The following ADAMTSL1 variants were observed in gnomAD, a reference collection of about 807,000 sequenced individuals.
The protein encoded by ADAMTSL1 is ADAMTS like 1, also known as ADAMTS-like protein 1.
In ADAMTSL1, 126 loss-of-function variants were observed where a neutral mutation model predicts 201.8. That is an observed-to-expected ratio of 0.62 (90% CI 0.54 to 0.72). The LOEUF is 0.72. ADAMTSL1 is among the 30% of genes least tolerant of loss of function. The pLI is 0.00. For synonymous variants in ADAMTSL1, 1,121 were observed against 903.4 expected, an observed-to-expected ratio of 1.24 and a Z score of -4.32; for missense variants, 2,679 against 2,277.8, an observed-to-expected ratio of 1.18 and a Z score of -3.59.
chr9:18,334,684 C>A (rs1297867691), intron 2 of ADAMTSL1, among the ~76,000 whole-genome samples: 1 of 152,124 alleles, frequency 6.6e-6, no homozygotes, highest in African/African-American at 2.4e-5. Context: ...ACAGAATAAT[C>A]TTCCAACAAA....
chr9:18,486,674 C>T (rs192527151), intron 1 of ADAMTSL1, among the ~76,000 whole-genome samples: 5 of 152,292 alleles, frequency 3.3e-5, no homozygotes, highest in African/African-American at 1.2e-4. Context: ...TGACTGCACT[C>T]CAGCCTGGGT....
intron 3 of ADAMTSL1, among the ~76,000 whole-genome samples, chr9:18,558,816 G>A (rs1821278895): frequency 6.6e-6 from 1 of 152,078 alleles, no homozygotes; most frequent in Admixed American, 6.6e-5. Context: ...CTTCTTTTGA[G>A]AAATGTCTGT....
intron 1 of ADAMTSL1, among the ~76,000 whole-genome samples, chr9:17,966,485 C>G (rs1254793634): frequency 6.6e-6 from 1 of 152,138 alleles, no homozygotes; most frequent in Admixed American, 6.6e-5. Context: ...TAAGTACCAC[C>G]ATTCTGCCCT....
At chr9:18,525,026 C>A (rs1818946859) in intron 2 of ADAMTSL1, among the ~76,000 whole-genome samples, 1 of 152,128 alleles carries the variant, frequency 6.6e-6, no homozygotes, top group African/African-American at 2.4e-5. Flanking sequence ...GTACCAGCTC[C>A]TCCTTGTACA....
At chr9:18,631,420 A>G (rs1034477499) in intron 5 of ADAMTSL1, among the ~76,000 whole-genome samples, 6 of 152,334 alleles carry the variant, frequency 3.9e-5, no homozygotes, top group African/African-American at 9.6e-5. Flanking sequence ...AAAACATACC[A>G]TTTAAACCTC....
At chr9:18,095,072 C>G (rs1173755901) in intron 1 of ADAMTSL1, among the ~76,000 whole-genome samples, 1 of 152,178 alleles carries the variant, frequency 6.6e-6, no homozygotes, top group Non-Finnish European at 1.5e-5. Flanking sequence ...AAAGATAGTT[C>G]ATGGACGCAG....
At chr9:18,795,581 A>G (rs1238267515) in intron 20 of ADAMTSL1, 57 bp downstream of exon 20, 9 of 1,528,838 alleles carry the variant, frequency 5.9e-6, no homozygotes, top group Non-Finnish European at 8.0e-6. Flanking sequence ...ATGAGTGCCT[A>G]TAGTGTGTCA....
intron 1 of ADAMTSL1, among the ~76,000 whole-genome samples, chr9:18,041,723 T>C (rs1490472760): frequency 1.3e-5 from 2 of 152,140 alleles, no homozygotes; most frequent in East Asian, 1.9e-4. Flanking sequence ...ATTGTACCAA[T>C]TGATATGAAA....
At chr9:18,788,963 G>C (rs937442828) in intron 19 of ADAMTSL1, among the ~76,000 whole-genome samples, 2 of 151,862 alleles carry the variant, frequency 1.3e-5, no homozygotes, top group African/African-American at 4.8e-5. Flanking sequence ...AGAGATTCCT[G>C]AGTCAAGAAT....
At chr9:18,612,243 C>T (rs1052459086) in intron 4 of ADAMTSL1, among the ~76,000 whole-genome samples, 2 of 152,176 alleles carry the variant, frequency 1.3e-5, no homozygotes, top group Non-Finnish European at 2.9e-5. Context: ...TCTCAGATTA[C>T]AGTGTTATAA....
intron 23 of ADAMTSL1, among the ~76,000 whole-genome samples, chr9:18,887,174 C>G (rs985447171): frequency 4.6e-5 from 7 of 152,134 alleles, no homozygotes; most frequent in African/African-American, 1.4e-4. Flanking sequence ...TTTATCTTAC[C>G]GATTCTATGC....
chr9:18,337,129 G>C (rs921487530), intron 2 of ADAMTSL1, among the ~76,000 whole-genome samples: 2 of 152,124 alleles, frequency 1.3e-5, no homozygotes, highest in Non-Finnish European at 2.9e-5. Context: ...CCCTCAATCT[G>C]GGTGGGCACA....
At position 18,182,757 on chromosome 9, in the gene ADAMTSL1, A is replaced by G. The variant is rs553682863; in HGVS notation, c.207+18776A>G. ...ATCTTATGAGAAAACTGAGGCACGGAGTGATTAACCACCTTATCAAGGTTA... is the reference window on the plus strand; with the variant it reads ...ATCTTATGAGAAAACTGAGGCACGGGGTGATTAACCACCTTATCAAGGTTA... On this transcript the variant is annotated intron_variant, in intron 2 of 29. Transcript: ENST00000680146. Among the ~76,000 whole-genome samples, 330 of 152,342 alleles carry G rather than the reference A, an allele frequency of 2.2e-3. 2 individuals carry two copies. The highest frequency in any genetic ancestry group is 7.0e-3 in the African/African-American group (292 of 41,590).
chr9:18,474,019 C>T (rs1304462189), upstream of ADAMTSL1: 1 of 513,932 alleles, frequency 1.9e-6, no homozygotes, highest in Non-Finnish European at 3.4e-6. Flanking sequence ...TAGCAGGAGC[C>T]TGATTGGCTG....
chr9:18,498,828 C>T (rs1169310877), intron 1 of ADAMTSL1, among the ~76,000 whole-genome samples: 1 of 152,210 alleles, frequency 6.6e-6, no homozygotes, highest in African/African-American at 2.4e-5. Context: ...AAATTCTCAC[C>T]TGACCTGGGT....
chr9:18,655,653 A>C lies in ADAMTSL1; in HGVS notation c.835-1986A>C, dbSNP rs1828589994. Reference sequence around the variant, plus strand: ...AACAAAAAAAGTAAAAAACAAAAACAAACAAACAAAAAAACCTCATCTCTT... The same window carrying C: ...AACAAAAAAAGTAAAAAACAAAAACCAACAAACAAAAAAACCTCATCTCTT... On this transcript the variant is annotated intron_variant, in intron 7 of 28. Coordinates refer to ENST00000380548, the MANE Select transcript of ADAMTSL1 (RefSeq NM_001040272.6). 2.0e-5 allele frequency among the ~76,000 whole-genome samples: 3 copies of C among 152,114 alleles called. No homozygotes were observed. In the South Asian group the frequency reaches 6.2e-4, roughly 32 times the overall value.
chr9:18,272,141 A>C (rs199731748), intron 2 of ADAMTSL1, among the ~76,000 whole-genome samples: 3 of 152,226 alleles, frequency 2.0e-5, no homozygotes, highest in East Asian at 1.9e-4. Context: ...GTTCACTCTG[A>C]TGGTAGTTTC....
chr9:18,068,743 T>A (rs957553240), intron 1 of ADAMTSL1, among the ~76,000 whole-genome samples: 3 of 152,212 alleles, frequency 2.0e-5, no homozygotes, highest in Non-Finnish European at 2.9e-5. Context: ...AAGCACTCTA[T>A]GTGGCAATAG....
At chr9:18,032,874 G>A (rs1821030827) in intron 1 of ADAMTSL1, among the ~76,000 whole-genome samples, 2 of 141,158 alleles carry the variant, frequency 1.4e-5, no homozygotes, top group Non-Finnish European at 3.1e-5. Context: ...ACCTGTCCTG[G>A]TGCTCAGTGA....
Sources: allele counts gnomAD v4.1 joint callset (sites outside exome capture counted in the v4.1 genomes callset), GRCh38; gene constraint gnomAD v4.1.1; transcripts MANE v1.5; gene names NCBI Gene and HGNC (gene_info 2026-07-23, HGNC 2026-07-21).